AOPEP: variants seen among roughly 807,000 people sequenced by gnomAD.
AOPEP encodes aminopeptidase O.
A neutral mutation model predicts 98.1 loss-of-function variants in AOPEP; 77 were observed. The ratio of observed to expected loss-of-function variants is 0.78; its 90% CI spans 0.65 to 0.95. The LOEUF (loss-of-function observed/expected upper bound fraction) is 0.95. AOPEP is among the 40% of genes least tolerant of loss of function. The pLI is 0.00. For synonymous variants in AOPEP, 346 were observed against 365.3 expected, an observed-to-expected ratio of 0.95 and a Z score of 0.60; for missense variants, 1,024 against 1,024.7, an observed-to-expected ratio of 1.00 and a Z score of 0.01.
chr9:95,007,386 A>C, intron 13 of AOPEP, among the ~76,000 whole-genome samples: 1 of 46,162 alleles, frequency 2.2e-5, no homozygotes, highest in South Asian at 6.9e-4. Flanking sequence ...GTGGGGAGAA[A>C]GTGGGGGGGG....
chr9:95,118,159 C>T, the AOPEP span, among the ~76,000 whole-genome samples: 1 of 152,166 alleles, frequency 6.6e-6, no homozygotes, highest in Non-Finnish European at 1.5e-5. Context: ...GCCGGGATTA[C>T]AGGCACATGC....
At chr9:95,009,295 T>TATAAA (rs3839896) in intron 13 of AOPEP, among the ~76,000 whole-genome samples, 146,042 of 151,674 alleles carry the variant, frequency 0.96, 70,346 homozygotes, top group Middle Eastern at 0.99. Context: ...AATATATACA[T>TATAAA]ATAATATAAA....
At chr9:94,734,493 A>G (rs1831293746) in intron 1 of AOPEP, among the ~76,000 whole-genome samples, 3 of 152,228 alleles carry the variant, frequency 2.0e-5, no homozygotes. Flanking sequence ...TTTCCTCAAT[A>G]TACTTAACAG....
intron 11 of AOPEP, among the ~76,000 whole-genome samples, chr9:94,996,063 C>G (rs1395656357): frequency 6.6e-6 from 1 of 152,166 alleles, no homozygotes. Flanking sequence ...GAGGACAGGT[C>G]CTTTTTCACG....
chr9:94,931,965 C>A (rs542187124), intron 7 of AOPEP: 3 of 1,131,262 alleles, frequency 2.7e-6, no homozygotes, highest in East Asian at 5.7e-5. Context: ...ATGCGTCTAA[C>A]CTCCTCTAGC....
intron 14 of AOPEP, among the ~76,000 whole-genome samples, chr9:95,080,298 C>T (rs1003569888): frequency 1.3e-5 from 2 of 152,102 alleles, no homozygotes; most frequent in African/African-American, 2.4e-5. Flanking sequence ...GAGGCTGGGG[C>T]GGGCGGATCA....
rs1196390333 is a variant in AOPEP, at chr9:94,759,710, G to C, written c.-74G>C. The C allele has an allele frequency of 8.5e-7, 1 of 1,178,144 alleles. No individual in the cohort carries two copies. Among genetic ancestry groups the C allele is most frequent in the African/African-American group, 1.5e-5 (1 of 64,654 alleles). 73.0% of individuals were successfully genotyped at this position (1,178,144 alleles called of 1,614,324 possible). A position where few individuals can be genotyped will look rare whatever the true frequency, so the allele number is the denominator to read the frequency against. On this transcript the variant is annotated 5_prime_UTR_variant, in exon 2 of 17. The change abolishes an upstream ATG in the 5' untranslated region. Transcript: ENST00000375315. The stretch of plus-strand genomic sequence containing the variant: ...TTTTCTTTGATAAGCAGCTATTTAT[G>C]ATTCTGGAAGATTAAGGCAGATAGG...
At chr9:95,086,367 C>G in intron 16 of AOPEP, 10 of 985,434 alleles carry the variant, frequency 1.0e-5, no homozygotes, top group Non-Finnish European at 1.2e-5. Flanking sequence ...GGGCCCAGCT[C>G]TCCCACGGCG....
chr9:94,949,984 A>G (rs2057983972), intron 7 of AOPEP, among the ~76,000 whole-genome samples: 1 of 152,210 alleles, frequency 6.6e-6, no homozygotes, highest in Admixed American at 6.5e-5. Flanking sequence ...GAGCAAGCTT[A>G]AAGACCAGCC....
chr9:94,812,156 C>A (rs1310797191), intron 5 of AOPEP, among the ~76,000 whole-genome samples: 1 of 152,032 alleles, frequency 6.6e-6, no homozygotes, highest in Non-Finnish European at 1.5e-5. Context: ...GTTCTTAGGA[C>A]CACGTGCACA....
rs541847680 is a variant in AOPEP, at chr9:94,756,419, A to T, written c.-135-3230A>T. On this transcript the variant is annotated intron_variant, in intron 1 of 16. Transcript: ENST00000375315. The stretch of plus-strand genomic sequence containing the variant: ...TCTCTACAAAAATTTAAAAAGTTAG[A>T]TGAGTGTGGTGGCATGCACCTATGG... 6.0e-5 allele frequency among the ~76,000 whole-genome samples: 9 copies of T among 148,776 alleles called. 1 individual carries two copies. In the South Asian group the frequency reaches 1.9e-3, roughly 32 times the overall value.
chr9:94,888,913 A>G (rs759004539), intron 5 of AOPEP, among the ~76,000 whole-genome samples: 2 of 152,166 alleles, frequency 1.3e-5, no homozygotes, highest in Non-Finnish European at 2.9e-5. Context: ...TGAAGCTGCC[A>G]CCACCACATG....
intron 1 of AOPEP, among the ~76,000 whole-genome samples, chr9:94,740,217 A>G (rs1340910440): frequency 6.6e-6 from 1 of 151,934 alleles, no homozygotes; most frequent in Non-Finnish European, 1.5e-5. Flanking sequence ...ATAATTTTGG[A>G]GGGCTCTAGG....
At chr9:95,010,437 C>T (rs938175041) in intron 13 of AOPEP, among the ~76,000 whole-genome samples, 8 of 152,196 alleles carry the variant, frequency 5.3e-5, no homozygotes, top group African/African-American at 1.9e-4. Flanking sequence ...CTATGGAGTG[C>T]TGAGCTGAGG....
chr9:95,135,616 T>G, the AOPEP span: 1 of 834,350 alleles, frequency 1.2e-6, no homozygotes, highest in Non-Finnish European at 2.0e-6. Context: ...CTCATCATGG[T>G]CACAGCAGTG....
intron 13 of AOPEP, among the ~76,000 whole-genome samples, chr9:95,059,489 C>G (rs1280097534): frequency 4.6e-5 from 7 of 151,498 alleles, no homozygotes; most frequent in African/African-American, 1.5e-4. Context: ...TGCCCGTTGC[C>G]CCCCGCATAC....
chr9:95,068,171 A>G (rs1189273011), intron 14 of AOPEP, among the ~76,000 whole-genome samples: 1 of 152,202 alleles, frequency 6.6e-6, no homozygotes. Context: ...GTGTGGACAT[A>G]TGCTTTCATT....
intron 5 of AOPEP, among the ~76,000 whole-genome samples, chr9:94,916,298 T>A (rs1315273636): frequency 1.3e-5 from 2 of 152,196 alleles, no homozygotes; most frequent in Non-Finnish European, 2.9e-5. Flanking sequence ...CGTGCTCCAA[T>A]GAGGCTGCCG....
chr9:95,099,284 G>C, the AOPEP span: 1 of 222,420 alleles, frequency 4.5e-6, no homozygotes, highest in Non-Finnish European at 9.0e-6. Flanking sequence ...ACTCCTGCTA[G>C]AGTAAGGTCA....
Sources: allele counts gnomAD v4.1 joint callset (sites outside exome capture counted in the v4.1 genomes callset), GRCh38; gene constraint gnomAD v4.1.1; transcripts MANE v1.5; gene names NCBI Gene and HGNC (gene_info 2026-07-23, HGNC 2026-07-21).